OSBPL9: variants seen among roughly 807,000 people sequenced by gnomAD.
OSBPL9 encodes the protein oxysterol-binding protein-related protein 9.
OSBPL9 carries 40 observed loss-of-function variants against 106.6 expected under a neutral mutation model. The ratio of observed to expected loss-of-function variants is 0.38; its 90% CI spans 0.29 to 0.49. OSBPL9 has a LOEUF of 0.49. OSBPL9 is among the 20% of genes least tolerant of loss of function. The pLI is 0.97. For synonymous variants in OSBPL9, 269 were observed against 295.4 expected, an observed-to-expected ratio of 0.91 and a Z score of 0.92; for missense variants, 609 against 887.2, an observed-to-expected ratio of 0.69 and a Z score of 3.98.
intron 1 of OSBPL9, among the ~76,000 whole-genome samples, chr1:51,595,773 G>A (rs116116372): frequency 0.039 from 6,009 of 152,148 alleles, 171 homozygotes; most frequent in Non-Finnish European, 0.062. Flanking sequence ...CTTAAGAGGC[G>A]TATCATTTAA....
intron 3 of OSBPL9, among the ~76,000 whole-genome samples, chr1:51,670,826 A>G (rs1649696332): frequency 6.6e-6 from 1 of 152,218 alleles, no homozygotes; most frequent in African/African-American, 2.4e-5. Context: ...ATCAGCAGGT[A>G]ATTCCTACAC....
chr1:51,581,349 C>T (rs1645220590), intron 1 of OSBPL9, among the ~76,000 whole-genome samples: 2 of 152,126 alleles, frequency 1.3e-5, no homozygotes, highest in Admixed American at 1.3e-4. Context: ...TGGTGCATGC[C>T]ATTAACATGA....
chr1:51,550,482 T>A, the OSBPL9 span, among the ~76,000 whole-genome samples: 1 of 152,198 alleles, frequency 6.6e-6, no homozygotes, highest in African/African-American at 2.4e-5. Flanking sequence ...CACTGCTCAG[T>A]AAATACTAAT....
intron 2 of OSBPL9, among the ~76,000 whole-genome samples, chr1:51,665,978 G>A (rs560068811): frequency 6.6e-5 from 10 of 152,218 alleles, no homozygotes; most frequent in Admixed American, 1.3e-4. Context: ...CTCCTGAGTA[G>A]CTGGGATTAC....
intron 1 of OSBPL9, among the ~76,000 whole-genome samples, chr1:51,636,755 G>T (rs1008141173): frequency 1.3e-5 from 2 of 152,088 alleles, no homozygotes; most frequent in Admixed American, 6.6e-5. Flanking sequence ...TTCAAGGCCA[G>T]CCTGGGCAAC....
chr1:51,567,248 G>A, the OSBPL9 span: 4 of 152,318 alleles, frequency 2.6e-5, no homozygotes, highest in Admixed American at 1.3e-4. Flanking sequence ...CAGCATACTA[G>A]GTAGTCACTT....
At chr1:51,760,582 C>T in intron 9 of OSBPL9, 108 bp from the exon 10 acceptor site, 3 of 1,507,254 alleles carry the variant, frequency 2.0e-6, no homozygotes, top group Non-Finnish European at 2.7e-6. Flanking sequence ...ATCAACATAT[C>T]TATATAGCTA....
intron 6 of OSBPL9, 54 bp from the exon 7 acceptor site, chr1:51,748,315 C>T: frequency 6.7e-7 from 1 of 1,495,724 alleles, no homozygotes; most frequent in South Asian, 1.4e-5. Flanking sequence ...TAAAAAATAA[C>T]CGTCCTTCTT....
chr1:51,546,026 A>G, the OSBPL9 span, among the ~76,000 whole-genome samples: 3 of 151,816 alleles, frequency 2.0e-5, no homozygotes, highest in Non-Finnish European at 2.9e-5. Flanking sequence ...CTGTAAGACA[A>G]TTTTTTTTGA....
chr1:51,712,410 G>A (rs1426435666), intron 3 of OSBPL9, among the ~76,000 whole-genome samples: 1 of 151,952 alleles, frequency 6.6e-6, no homozygotes, highest in African/African-American at 2.4e-5. Context: ...GGGAGACCGT[G>A]GGGAGAGGGA....
At chr1:51,573,201 G>A (rs535490793), upstream of OSBPL9, among the ~76,000 whole-genome samples, 139 of 142,470 alleles carry the variant, frequency 9.8e-4, no homozygotes, top group African/African-American at 3.8e-3. Context: ...GACAGAGTGA[G>A]ACTCCATCTC....
chr1:51,782,480 G>A (rs778585658), intron 16 of OSBPL9, 79 bp from the exon 17 acceptor site: 38 of 1,204,312 alleles, frequency 3.2e-5, no homozygotes, highest in Non-Finnish European at 4.4e-5. Context: ...AGAGCGAGCA[G>A]AGACCCCAAT....
At chr1:51,550,419 C>T in the OSBPL9 span, among the ~76,000 whole-genome samples, 4 of 152,224 alleles carry the variant, frequency 2.6e-5, no homozygotes, top group African/African-American at 7.2e-5. Flanking sequence ...TTGTTAAGTG[C>T]TTGATACATC....
intron 4 of OSBPL9, among the ~76,000 whole-genome samples, chr1:51,722,605 A>G (rs1160923240): frequency 6.6e-6 from 1 of 152,228 alleles, no homozygotes; most frequent in Non-Finnish European, 1.5e-5. Context: ...ACAGTGGTGA[A>G]CAAGGCGTTG....
the OSBPL9 span, among the ~76,000 whole-genome samples, chr1:51,519,979 T>C: frequency 6.6e-6 from 1 of 152,238 alleles, no homozygotes; most frequent in African/African-American, 2.4e-5. Flanking sequence ...GTAGCACTCC[T>C]AGCTTCTCCC....
intron 10 of OSBPL9, among the ~76,000 whole-genome samples, chr1:51,761,359 T>G (rs1671465440): frequency 6.6e-6 from 1 of 152,144 alleles, no homozygotes; most frequent in South Asian, 2.1e-4. Context: ...CTTTTGCCCT[T>G]TTGTTATATC....
intron 1 of OSBPL9, among the ~76,000 whole-genome samples, chr1:51,642,082 A>C (rs1183658278): frequency 6.6e-6 from 1 of 152,186 alleles, no homozygotes; most frequent in Admixed American, 6.5e-5. Context: ...AAATCTGTGA[A>C]GTTTAATTTG....
At chr1:51,541,183 C>G in the OSBPL9 span, among the ~76,000 whole-genome samples, 1 of 152,072 alleles carries the variant, frequency 6.6e-6, no homozygotes, top group East Asian at 1.9e-4. Flanking sequence ...TCTCTCTTCC[C>G]CACTAAAATT....
At chr1:51,728,510 T>G (rs1469133203) in intron 4 of OSBPL9, among the ~76,000 whole-genome samples, 2 of 152,016 alleles carry the variant, frequency 1.3e-5, no homozygotes, top group Non-Finnish European at 2.9e-5. Context: ...GTTTGCGTAT[T>G]AGGGTGGATG....
Sources: gnomAD v4.1 joint callset for allele counts (sites outside exome capture counted in the v4.1 genomes callset) on GRCh38, gnomAD v4.1.1 for gene constraint, MANE v1.5 for transcripts, NCBI Gene and HGNC (gene_info 2026-07-23, HGNC 2026-07-21) for gene names.